ADCY7: variants seen among roughly 807,000 people sequenced by gnomAD.
The protein encoded by ADCY7 is adenylate cyclase 7.
Under a neutral mutation model 120.6 loss-of-function variants are expected in ADCY7, and 72 were observed. The ratio of observed to expected loss-of-function variants is 0.60; its 90% CI spans 0.49 to 0.73. The LOEUF (loss-of-function observed/expected upper bound fraction) is 0.73, where lower values mean the gene tolerates loss of function less well. ADCY7 is among the 30% of genes least tolerant of loss of function. ADCY7 has a pLI of 0.00. For synonymous variants in ADCY7, 661 were observed against 628.0 expected, an observed-to-expected ratio of 1.05 and a Z score of -0.78; for missense variants, 1,227 against 1,486.0, an observed-to-expected ratio of 0.83 and a Z score of 2.87.
At chr16:50,307,000 G>T in intron 14 of ADCY7, 50 bp from the exon 15 acceptor site, 1 of 1,453,332 alleles carries the variant, frequency 6.9e-7, no homozygotes. Flanking sequence ...AGGCAGGGTG[G>T]GCAAGTGGCA....
chr16:50,293,942 T>C (rs920722416), intron 6 of ADCY7, among the ~76,000 whole-genome samples: 19 of 152,212 alleles, frequency 1.2e-4, no homozygotes, highest in African/African-American at 4.6e-4. Context: ...TTGAATGCAC[T>C]GACCTGAGTT....
chr16:50,253,796 T>A lies in ADCY7; in HGVS notation c.-64+7593T>A, dbSNP rs912685668. ...GCTCCTGTGGTGAGGTGGGTTGAGG[T>A]GGGGGTGGAGGCGGTGGTGTCTGCT... On this transcript the variant is annotated intron_variant, in intron 1 of 4. Coordinates refer to the ADCY7 transcript ENST00000564044. 1.8e-4 allele frequency among the ~76,000 whole-genome samples: 28 copies of A among 151,860 alleles called. 1 individual carries two copies. Among genetic ancestry groups the A allele is most frequent in the Admixed American group, 3.9e-4 (6 of 15,260 alleles).
At chr16:50,261,630 C>T (rs1216055201), upstream of ADCY7, among the ~76,000 whole-genome samples, 1 of 150,874 alleles carries the variant, frequency 6.6e-6, no homozygotes, top group Non-Finnish European at 1.5e-5. Flanking sequence ...GCATTTCTCA[C>T]AGCCCCCCAC....
intron 15 of ADCY7, among the ~76,000 whole-genome samples, chr16:50,308,041 C>T (rs72782139): frequency 0.18 from 26,151 of 149,274 alleles, 2,784 homozygotes; most frequent in Admixed American, 0.26. Flanking sequence ...ATAGGGAATG[C>T]GTTTTTACAG....
chr16:50,294,807 C>T, intron 7 of ADCY7, 56 bp downstream of exon 7: 2 of 1,261,436 alleles, frequency 1.6e-6, no homozygotes, highest in South Asian at 2.5e-5. Context: ...CCTATTACAC[C>T]CCAGGGGTGT....
intron 7 of ADCY7, among the ~76,000 whole-genome samples, chr16:50,296,572 G>A (rs528020155): frequency 2.0e-5 from 3 of 152,128 alleles, no homozygotes; most frequent in Admixed American, 6.5e-5. Context: ...TAGCCAGGAT[G>A]GTCTTGATTT....
intron 1 of ADCY7, among the ~76,000 whole-genome samples, chr16:50,277,668 GT>G (rs755335071): frequency 0.37 from 42,978 of 114,866 alleles, 6,782 homozygotes; most frequent in Non-Finnish European, 0.46. Context: ...ACCATGGTAG[GT>G]TTTTTTTTTT....
At chr16:50,304,666 GC>G in intron 11 of ADCY7, 115 bp downstream of exon 11, 1 of 1,172,626 alleles carries the variant, frequency 8.5e-7, no homozygotes, top group Non-Finnish European at 1.2e-6. Context: ...CTGTAAAATG[GC>G]CACAGCCTCT....
chr16:50,298,975 G>C lies in ADCY7; in HGVS notation c.1020G>C (p.Leu340=), dbSNP rs2035537356. ...YYCVSGLPVS[L]PTHARNCVKM... is the part of the protein sequence containing the mutation. ...GTGTATCGGGCCTGCCCGTGTCGCTGCCTACCCACGCCCGGAACTGCGTGA... is the reference window on the plus strand; with the variant it reads ...GTGTATCGGGCCTGCCCGTGTCGCTCCCTACCCACGCCCGGAACTGCGTGA... Residue 340 remains leucine, a synonymous_variant, in exon 8 of 26, where the codon CTG becomes CTC. Transcript: ENST00000673801. The C allele has an allele frequency of 6.2e-7, 1 of 1,613,406 alleles. No individual in the cohort carries two copies. Among genetic ancestry groups the C allele is most frequent in the South Asian group, 1.1e-5 (1 of 91,094 alleles).
chr16:50,292,890 G>C (rs2150974035), intron 5 of ADCY7, 65 bp downstream of exon 5: 8 of 1,573,736 alleles, frequency 5.1e-6, no homozygotes, highest in Admixed American at 1.7e-5. Flanking sequence ...TGTTGGACAT[G>C]AGACACTCAT....
rs1472542557 is a variant in ADCY7 at position 50,316,805 on chromosome 16, A to T, written c.*1300A>T. The T allele has an allele frequency of 6.6e-6, 1 of 152,364 alleles. No homozygotes were observed. The highest frequency in any genetic ancestry group is 1.5e-5 in the Non-Finnish European group (1 of 68,046). 9.4% of individuals were successfully genotyped at this position (152,364 alleles called of 1,614,324 possible). A position where few individuals can be genotyped will look rare whatever the true frequency, so the allele number is the denominator to read the frequency against. ...TGACTTTTTCTGAATGGACTTCATA[A>T]CCGGAAGACTTAACCGGTGGCCTCA... On this transcript the variant is annotated 3_prime_UTR_variant, in exon 26 of 26. Transcript: ENST00000673801.
In ADCY7 at chr16:50,307,124, C is replaced by T. The variant is rs754004745; in HGVS notation, c.1827C>T (p.Leu609=). The T allele has an allele frequency of 1.2e-6, 2 of 1,612,102 alleles. No individual in the cohort carries two copies. The highest frequency in any genetic ancestry group is 2.2e-5 in the East Asian group (1 of 44,864). The change falls in exon 15 of 26, where the codon CTC becomes CTT. Residue 609 remains leucine (L), a synonymous_variant. Transcript: ENST00000673801. ...CASLIFVCIL[L]VHVLLMPRTA... is the part of the protein sequence containing the mutation. ...GCCTGATCTTCGTCTGCATCCTGCT[C>T]GTCCATGTCCTGCTCATGCCCAGGT...
chr16:50,253,850 G>A (rs2032832331), intron 1 of ADCY7, among the ~76,000 whole-genome samples: 1 of 152,212 alleles, frequency 6.6e-6, no homozygotes. Flanking sequence ...CTGGAGGCCA[G>A]AGCCTGGAGC....
intron 1 of ADCY7, among the ~76,000 whole-genome samples, chr16:50,259,113 A>G (rs895934126): frequency 6.6e-6 from 1 of 152,248 alleles, no homozygotes; most frequent in African/African-American, 2.4e-5. Flanking sequence ...AAACAAAAAG[A>G]TAAATATTAA....
chr16:50,302,144 C>G (rs956520819), intron 10 of ADCY7, among the ~76,000 whole-genome samples: 1 of 149,370 alleles, frequency 6.7e-6, no homozygotes, highest in Non-Finnish European at 1.5e-5. Context: ...CTCACCCCAC[C>G]TGGTCTCCTC....
Position 50,316,164 on chromosome 16 carries a change from A to C in ADCY7, c.*659A>C, listed in dbSNP as rs1047186489. The C allele has an allele frequency of 6.6e-6, 1 of 152,606 alleles. No individual in the cohort carries two copies. The highest frequency in any genetic ancestry group is 2.4e-5 in the African/African-American group (1 of 41,458). The allele number at this position is 152,606 out of a possible 1,614,324, so 9.5% of individuals were successfully genotyped here. A position where few individuals can be genotyped will look rare whatever the true frequency, so the allele number is the denominator to read the frequency against. On this transcript the variant is annotated 3_prime_UTR_variant, in exon 26 of 26. Coordinates refer to ENST00000673801, the MANE Select transcript of ADCY7 (RefSeq NM_001114.5). ...GAATGACTTTTCAGACACTAGACAT[A>C]AATCTCTTCCCTCCAGTGTATGCTC...
intron 16 of ADCY7, 117 bp from the exon 17 acceptor site, chr16:50,308,550 C>G (rs1205344154): frequency 1.3e-6 from 2 of 1,549,938 alleles, no homozygotes; most frequent in Non-Finnish European, 1.7e-6. Flanking sequence ...GCCTCGGGGA[C>G]AATTTCCTGA....
chr16:50,275,362 A>G (rs1232495907), intron 1 of ADCY7, among the ~76,000 whole-genome samples: 1 of 152,206 alleles, frequency 6.6e-6, no homozygotes, highest in African/African-American at 2.4e-5. Context: ...TAGGCTGTCA[A>G]TTAAGGGGAG....
intron 10 of ADCY7, among the ~76,000 whole-genome samples, chr16:50,303,006 T>C (rs2035833483): frequency 6.6e-6 from 1 of 152,238 alleles, no homozygotes; most frequent in African/African-American, 2.4e-5. Flanking sequence ...CTCATACCAA[T>C]GCCATGCCCA....
Sources: allele counts gnomAD v4.1 joint callset (sites outside exome capture counted in the v4.1 genomes callset), GRCh38; gene constraint gnomAD v4.1.1; transcripts MANE v1.5; gene names NCBI Gene and HGNC (gene_info 2026-07-23, HGNC 2026-07-21).